FIGN: variants seen among roughly 807,000 people sequenced by gnomAD.
The protein encoded by FIGN is fidgetin.
Under a neutral mutation model 51.3 loss-of-function variants are expected in FIGN, and 11 were observed. That is an observed-to-expected ratio of 0.21 (90% confidence interval 0.13 to 0.35). The LOEUF (loss-of-function observed/expected upper bound fraction) is 0.35, where lower values mean the gene tolerates loss of function less well. FIGN is among the 10% of genes least tolerant of loss of function. The pLI is 1.00. For synonymous variants in FIGN, 407 were observed against 363.2 expected, an observed-to-expected ratio of 1.12 and a Z score of -1.37; for missense variants, 857 against 943.6, an observed-to-expected ratio of 0.91 and a Z score of 1.20.
chr2:163,658,482 A>G (rs1683599644), intron 2 of FIGN, among the ~76,000 whole-genome samples: 1 of 151,868 alleles, frequency 6.6e-6, no homozygotes, highest in African/African-American at 2.4e-5. Flanking sequence ...AAAAAGGTTT[A>G]TTTGACTCAC....
intron 2 of FIGN, among the ~76,000 whole-genome samples, chr2:163,680,734 T>G (rs1253223351): frequency 3.3e-5 from 5 of 151,882 alleles, no homozygotes; most frequent in African/African-American, 1.2e-4. Context: ...CAGAGCTTCA[T>G]GCAGCCTCTT....
At chr2:163,645,152 T>A (rs6432767) in intron 2 of FIGN, among the ~76,000 whole-genome samples, 37,191 of 152,020 alleles carry the variant, frequency 0.24, 4,902 homozygotes, top group Admixed American at 0.28. Context: ...TAAATCTGAA[T>A]CTTGTAGAAT....
intron 2 of FIGN, among the ~76,000 whole-genome samples, chr2:163,634,796 G>A (rs539566855): frequency 3.2e-4 from 48 of 152,130 alleles, no homozygotes; most frequent in Non-Finnish European, 5.1e-4. Context: ...ATAATAAATC[G>A]CTAGGTAAGA....
intron 2 of FIGN, among the ~76,000 whole-genome samples, chr2:163,694,501 G>A (rs1251226414): frequency 6.6e-6 from 1 of 152,118 alleles, no homozygotes; most frequent in Non-Finnish European, 1.5e-5. Context: ...GGGTGTGAGG[G>A]ATGCAGGGAA....
intron 2 of FIGN, among the ~76,000 whole-genome samples, chr2:163,703,541 T>C (rs1559026532): frequency 6.6e-6 from 1 of 152,158 alleles, no homozygotes; most frequent in Non-Finnish European, 1.5e-5. Flanking sequence ...GAAAGAATTT[T>C]CCCATCAAGG....
chr2:163,733,555 CG>C (rs1169552040), intron 2 of FIGN, among the ~76,000 whole-genome samples: 2 of 152,224 alleles, frequency 1.3e-5, no homozygotes, highest in South Asian at 2.1e-4. Flanking sequence ...CCAACAGCTC[CG>C]GGGGAAAAAA....
chr2:163,635,078 A>G (rs1013028447), intron 2 of FIGN, among the ~76,000 whole-genome samples: 3 of 152,234 alleles, frequency 2.0e-5, no homozygotes. Flanking sequence ...AGAATGATTG[A>G]TATTTGCTAT....
rs1465193768 is a variant in FIGN, at chr2:163,606,837, T to C, written c.*2715A>G. ...GGCTAAATGAAAATCACATACGACT[T>C]CAGCTTCTGTCTAAATACATGGATT... On this transcript the variant is annotated 3_prime_UTR_variant, in exon 3 of 3. Transcript: ENST00000333129. The C allele has an allele frequency of 1.3e-5, 2 of 152,194 alleles. No homozygotes were observed. Among genetic ancestry groups the C allele is most frequent in the Non-Finnish European group, 2.9e-5 (2 of 68,042 alleles). The allele number at this position is 152,194 out of a possible 1,614,324, so 9.4% of individuals were successfully genotyped here.
At chr2:163,688,455 T>C (rs1269487122) in intron 2 of FIGN, among the ~76,000 whole-genome samples, 1 of 152,212 alleles carries the variant, frequency 6.6e-6, no homozygotes, top group Non-Finnish European at 1.5e-5. Context: ...AAAATGATCC[T>C]TAATATTGGC....
intron 2 of FIGN, among the ~76,000 whole-genome samples, chr2:163,718,064 G>A (rs1270466869): frequency 6.6e-6 from 1 of 152,026 alleles, no homozygotes; most frequent in Non-Finnish European, 1.5e-5. Flanking sequence ...ACAGGGGGGA[G>A]GGGGGAGAGT....
chr2:163,725,438 A>T (rs1559033975), intron 2 of FIGN, among the ~76,000 whole-genome samples: 4 of 152,032 alleles, frequency 2.6e-5, no homozygotes, highest in African/African-American at 4.8e-5. Context: ...AATAAAGACA[A>T]TTTTTTTAAA....
intron 2 of FIGN, among the ~76,000 whole-genome samples, chr2:163,654,006 TATAAG>T (rs1683519817): frequency 6.6e-6 from 1 of 152,052 alleles, no homozygotes; most frequent in Admixed American, 6.6e-5. Context: ...CTAATATGAA[TATAAG>T]GATAATTTGA....
intron 2 of FIGN, among the ~76,000 whole-genome samples, chr2:163,695,351 A>G (rs1316551872): frequency 6.6e-6 from 1 of 151,986 alleles, no homozygotes; most frequent in East Asian, 1.9e-4. Flanking sequence ...TGACTACCTA[A>G]TGCCCATCTG....
intron 2 of FIGN, chr2:163,612,285 C>T: frequency 1.0e-6 from 1 of 981,958 alleles, no homozygotes; most frequent in Non-Finnish European, 1.2e-6. Flanking sequence ...ACATTTTAAG[C>T]AATATAAAAA....
intron 2 of FIGN, among the ~76,000 whole-genome samples, chr2:163,620,057 T>C (rs1490624211): frequency 6.6e-6 from 1 of 152,152 alleles, no homozygotes. Flanking sequence ...GTACATGCAA[T>C]TTAAAATATA....
chr2:163,624,578 C>G (rs1217448053), intron 2 of FIGN, among the ~76,000 whole-genome samples: 5 of 151,718 alleles, frequency 3.3e-5, no homozygotes, highest in African/African-American at 1.2e-4. Flanking sequence ...GGACAATTCT[C>G]TCTTCATTAG....
intron 2 of FIGN, among the ~76,000 whole-genome samples, chr2:163,733,683 A>C (rs1046573779): frequency 6.6e-6 from 1 of 152,178 alleles, no homozygotes; most frequent in Admixed American, 6.5e-5. Flanking sequence ...AATTCAATCA[A>C]ATCTTTCCTA....
At chr2:163,625,425 C>T (rs1683040027) in intron 2 of FIGN, among the ~76,000 whole-genome samples, 1 of 151,868 alleles carries the variant, frequency 6.6e-6, no homozygotes. Flanking sequence ...ATATCATTTT[C>T]CTCCCTGATT....
At chr2:163,612,182 T>C (rs1472933135) in intron 2 of FIGN, 2 of 455,542 alleles carry the variant, frequency 4.4e-6, no homozygotes, top group Non-Finnish European at 5.8e-6. Flanking sequence ...CATAGGTTCT[T>C]AAAATAAGCA....
Sources: gnomAD v4.1 joint callset for allele counts (sites outside exome capture counted in the v4.1 genomes callset) on GRCh38, gnomAD v4.1.1 for gene constraint, MANE v1.5 for transcripts, NCBI Gene and HGNC (gene_info 2026-07-23, HGNC 2026-07-21) for gene names.